ZHX2: variants seen among roughly 807,000 people sequenced by gnomAD.
ZHX2 encodes the protein zinc fingers and homeoboxes 2, also known as zinc fingers and homeoboxes protein 2.
In ZHX2, 6 loss-of-function variants were observed where a neutral mutation model predicts 21.9. That is an observed-to-expected ratio of 0.27 (90% CI 0.15 to 0.54). ZHX2 has a LOEUF of 0.54. Ranked by LOEUF, ZHX2 falls within the 20% of genes least tolerant of loss-of-function variation. The pLI, the probability that ZHX2 is intolerant of heterozygous loss-of-function variation, is 0.95. For missense variants in ZHX2, 908 were observed against 1,090.7 expected (o/e 0.83, Z 2.36); for synonymous variants, 434 against 437.1 (o/e 0.99, Z 0.09).
At chr8:122,835,109 G>A (rs747051721) in intron 1 of ZHX2, among the ~76,000 whole-genome samples, 16 of 152,202 alleles carry the variant, frequency 1.1e-4, no homozygotes, top group Non-Finnish European at 1.6e-4. Flanking sequence ...ATAAGACTGG[G>A]TGAGGTACTG....
chr8:122,855,345 C>T (rs1819001235), intron 1 of ZHX2, among the ~76,000 whole-genome samples: 3 of 152,130 alleles, frequency 2.0e-5, no homozygotes, highest in Admixed American at 6.5e-5. Flanking sequence ...ATTATACCAC[C>T]TTGCATTTCA....
chr8:122,938,933 G>A (rs1812772365), intron 2 of ZHX2, among the ~76,000 whole-genome samples: 2 of 152,172 alleles, frequency 1.3e-5, no homozygotes, highest in Non-Finnish European at 2.9e-5. Context: ...TCAGTGATGG[G>A]GGATATATTT....
rs530709825 is a variant in ZHX2 at position 122,820,617 on chromosome 8, AAT to A, written c.-283+38673_-283+38674del. On this transcript the variant is annotated intron_variant, in intron 1 of 3. Coordinates refer to ENST00000314393, the MANE Select transcript of ZHX2 (RefSeq NM_014943.5). The stretch of plus-strand genomic sequence containing the variant: ...CTGCTGTCTTGGGATTGATACGGAG[AAT>A]AGTCACCAGACGACGGGGCTGAGAG... Among the ~76,000 whole-genome samples, 9 of 152,178 alleles carry A rather than the reference AAT, an allele frequency of 5.9e-5. No homozygotes were observed. In the South Asian group the frequency reaches 1.9e-3, roughly 32 times the overall value.
At chr8:122,924,218 C>T (rs975704334) in intron 2 of ZHX2, among the ~76,000 whole-genome samples, 1 of 152,190 alleles carries the variant, frequency 6.6e-6, no homozygotes, top group Non-Finnish European at 1.5e-5. Context: ...TCTGAAGCCT[C>T]TAGGGGAAGA....
intron 1 of ZHX2, among the ~76,000 whole-genome samples, chr8:122,854,375 C>G (rs1415655816): frequency 6.6e-6 from 1 of 152,192 alleles, no homozygotes; most frequent in Non-Finnish European, 1.5e-5. Context: ...CAGGCACTTC[C>G]TTTATTTCCC....
intron 2 of ZHX2, among the ~76,000 whole-genome samples, chr8:122,927,588 C>T (rs564057838): frequency 6.6e-5 from 10 of 152,208 alleles, no homozygotes; most frequent in South Asian, 2.1e-4. Flanking sequence ...ACAATCATGG[C>T]GAAAGAGCAA....
At chr8:122,877,999 G>C (rs918234595) in intron 2 of ZHX2, among the ~76,000 whole-genome samples, 17 of 152,132 alleles carry the variant, frequency 1.1e-4, no homozygotes, top group African/African-American at 3.9e-4. Context: ...GGAGAGCAAA[G>C]CTTGTAGAGA....
chr8:122,864,369 G>A (rs896310867), intron 2 of ZHX2, among the ~76,000 whole-genome samples: 38 of 151,856 alleles, frequency 2.5e-4, no homozygotes, highest in African/African-American at 9.7e-5. Flanking sequence ...TCTCTCCTAC[G>A]TTGTTGCCCA....
At chr8:122,826,228 G>T (rs1414625337) in intron 1 of ZHX2, among the ~76,000 whole-genome samples, 1 of 152,196 alleles carries the variant, frequency 6.6e-6, no homozygotes, top group African/African-American at 2.4e-5. Context: ...TTTAAAAAGG[G>T]CTTGGAAAAT....
At chr8:122,788,929 C>G (rs1278484340) in intron 1 of ZHX2, among the ~76,000 whole-genome samples, 4 of 152,160 alleles carry the variant, frequency 2.6e-5, no homozygotes, top group Admixed American at 2.6e-4. Context: ...CCAAACCACC[C>G]CTCCTCAAAA....
At chr8:122,853,092 A>G (rs894502666) in intron 1 of ZHX2, among the ~76,000 whole-genome samples, 6 of 152,060 alleles carry the variant, frequency 3.9e-5, no homozygotes, top group African/African-American at 1.4e-4. Flanking sequence ...GCCTCCCACA[A>G]GTGCTTCCTG....
intron 2 of ZHX2, among the ~76,000 whole-genome samples, chr8:122,865,542 G>C (rs1819271303): frequency 6.6e-6 from 1 of 152,206 alleles, no homozygotes; most frequent in African/African-American, 2.4e-5. Flanking sequence ...ATATAGTGAT[G>C]AGGAGGCAGC....
intron 2 of ZHX2, among the ~76,000 whole-genome samples, chr8:122,915,874 G>A (rs1448090248): frequency 6.6e-6 from 1 of 152,204 alleles, no homozygotes; most frequent in African/African-American, 2.4e-5. Flanking sequence ...TGTTTTGCAG[G>A]CAAGGAAAGA....
chr8:122,947,467 A>G (rs1813006437), intron 2 of ZHX2, among the ~76,000 whole-genome samples: 1 of 152,248 alleles, frequency 6.6e-6, no homozygotes, highest in Non-Finnish European at 1.5e-5. Flanking sequence ...TAAACTCAAA[A>G]GGCCACATGT....
chr8:122,961,706 A>T (rs1302764016), intron 3 of ZHX2, among the ~76,000 whole-genome samples: 1 of 152,160 alleles, frequency 6.6e-6, no homozygotes, highest in East Asian at 1.9e-4. Context: ...CTCACTCACT[A>T]TCAGGAGAAC....
intron 2 of ZHX2, among the ~76,000 whole-genome samples, chr8:122,892,620 G>A (rs77523296): frequency 0.049 from 7,422 of 152,018 alleles, 590 homozygotes; most frequent in African/African-American, 0.17. Flanking sequence ...TGTTTTCATC[G>A]TGGTAGTTAA....
intron 2 of ZHX2, among the ~76,000 whole-genome samples, chr8:122,928,499 A>G (rs774878372): frequency 5.3e-5 from 8 of 152,184 alleles, no homozygotes; most frequent in African/African-American, 1.4e-4. Flanking sequence ...ATAGAATTCA[A>G]TGAAAATGGG....
At chr8:122,905,408 C>A (rs1820323941) in intron 2 of ZHX2, among the ~76,000 whole-genome samples, 1 of 152,150 alleles carries the variant, frequency 6.6e-6, no homozygotes, top group Non-Finnish European at 1.5e-5. Context: ...AACCCAGAAT[C>A]CTATATCCAT....
At chr8:122,796,363 C>G (rs1215645930) in intron 1 of ZHX2, among the ~76,000 whole-genome samples, 1 of 152,112 alleles carries the variant, frequency 6.6e-6, no homozygotes, top group Non-Finnish European at 1.5e-5. Context: ...AGACACTGTC[C>G]TCTTGCAGTT....
Sources: gnomAD v4.1 joint callset for allele counts (sites outside exome capture counted in the v4.1 genomes callset) on GRCh38, gnomAD v4.1.1 for gene constraint, MANE v1.5 for transcripts, NCBI Gene and HGNC (gene_info 2026-07-23, HGNC 2026-07-21) for gene names.